The following EPB41L5 variants were observed in gnomAD, a reference collection of about 807,000 sequenced individuals.
EPB41L5 encodes the protein erythrocyte membrane protein band 4.1 like 5.
Under a neutral mutation model 106.6 loss-of-function variants are expected in EPB41L5, and 55 were observed. That is an observed-to-expected ratio of 0.52 (90% CI 0.42 to 0.65). The LOEUF is 0.65. Among genes scored for constraint, EPB41L5 ranks in the 30% least tolerant of loss-of-function variants. EPB41L5 has a pLI of 0.00. For missense variants in EPB41L5, 871 were observed against 882.1 expected, an observed-to-expected ratio of 0.99 and a Z score of 0.16; for synonymous variants, 297 against 306.7, an observed-to-expected ratio of 0.97 and a Z score of 0.33.
intron 12 of EPB41L5, 88 bp downstream of exon 12, chr2:120,090,604 A>T: frequency 8.5e-7 from 1 of 1,171,502 alleles, no homozygotes; most frequent in Non-Finnish European, 1.2e-6. Context: ...AGATATGGTA[A>T]CTAAGGTATA....
chr2:120,162,213 G>A (rs1242702357), intron 21 of EPB41L5, among the ~76,000 whole-genome samples: 1 of 152,158 alleles, frequency 6.6e-6, no homozygotes, highest in East Asian at 1.9e-4. Flanking sequence ...ATCACTAATT[G>A]CACTGCAGCA....
chr2:120,065,180 A>G (rs1329285694), intron 3 of EPB41L5, among the ~76,000 whole-genome samples: 1 of 152,122 alleles, frequency 6.6e-6, no homozygotes, highest in Non-Finnish European at 1.5e-5. Context: ...GTACAGTATC[A>G]TAGTTCCCTT....
intron 20 of EPB41L5, among the ~76,000 whole-genome samples, chr2:120,152,870 A>C (rs1194271403): frequency 3.3e-5 from 5 of 152,190 alleles, no homozygotes; most frequent in African/African-American, 1.2e-4. Flanking sequence ...TAGGTGATTT[A>C]ATTTACTGGA....
At chr2:120,042,666 G>A (rs1679473415) in intron 3 of EPB41L5, among the ~76,000 whole-genome samples, 1 of 152,190 alleles carries the variant, frequency 6.6e-6, no homozygotes, top group Non-Finnish European at 1.5e-5. Flanking sequence ...ACTGGAGGAT[G>A]TTTGAAAGAA....
chr2:120,117,846 C>T (rs562016499), intron 16 of EPB41L5, among the ~76,000 whole-genome samples: 3 of 152,146 alleles, frequency 2.0e-5, no homozygotes, highest in Admixed American at 6.5e-5. Context: ...TTCCTCTCCC[C>T]CTGCCCCCTC....
At chr2:120,039,118 G>A (rs1198343309) in intron 2 of EPB41L5, among the ~76,000 whole-genome samples, 1 of 152,114 alleles carries the variant, frequency 6.6e-6, no homozygotes, top group African/African-American at 2.4e-5. Flanking sequence ...CATGGAATAG[G>A]CAGATTCATA....
Position 120,175,289 on chromosome 2 carries a change from A to T in EPB41L5, c.*382A>T. 1 of 197,054 alleles carries T rather than the reference A, an allele frequency of 5.1e-6. No homozygotes were observed. Among genetic ancestry groups the T allele is most frequent in the South Asian group, 9.4e-5 (1 of 10,684 alleles). 12.2% of individuals were successfully genotyped at this position (197,054 alleles called of 1,614,324 possible). On this transcript the variant is annotated 3_prime_UTR_variant, in exon 25 of 25. Transcript: ENST00000263713. ...CAACAGCCTTTTGAAAGCTATTTCC[A>T]TCTAGTATCAGGGTGAGAGCATCCT...
At chr2:120,079,497 C>T (rs1427892501) in intron 10 of EPB41L5, among the ~76,000 whole-genome samples, 1 of 152,156 alleles carries the variant, frequency 6.6e-6, no homozygotes, top group African/African-American at 2.4e-5. Context: ...TCCTTGCCCT[C>T]CTCCCCATCT....
intron 11 of EPB41L5, among the ~76,000 whole-genome samples, chr2:120,089,762 T>C (rs1683290925): frequency 6.6e-6 from 1 of 152,024 alleles, no homozygotes; most frequent in South Asian, 2.1e-4. Context: ...TTGTTAGAGG[T>C]GTATGTAGAT....
chr2:120,075,628 GTAT>G, intron 6 of EPB41L5, 70 bp from the exon 7 acceptor site: 3 of 1,435,948 alleles, frequency 2.1e-6, no homozygotes, highest in African/African-American at 2.8e-5. Flanking sequence ...CATAAAACAT[GTAT>G]TATTTTCATT....
intron 3 of EPB41L5, among the ~76,000 whole-genome samples, chr2:120,060,995 ATAT>A (rs1207026888): frequency 1.4e-5 from 2 of 141,690 alleles, no homozygotes; most frequent in African/African-American, 5.2e-5. Flanking sequence ...TGAAAAGGTT[ATAT>A]ATAGAGATTA....
intron 19 of EPB41L5, 64 bp from the exon 20 acceptor site, chr2:120,146,161 A>G (rs1686392799): frequency 4.0e-6 from 4 of 998,552 alleles, no homozygotes; most frequent in Non-Finnish European, 4.6e-6. Flanking sequence ...AAAGAAATGT[A>G]AATTTCTTGT....
intron 2 of EPB41L5, among the ~76,000 whole-genome samples, chr2:120,039,223 G>A (rs1679237551): frequency 6.6e-6 from 1 of 152,202 alleles, no homozygotes; most frequent in African/African-American, 2.4e-5. Flanking sequence ...CATGGGATGG[G>A]CAAATTCTTA....
At chr2:120,070,201 A>G (rs758381743) in intron 3 of EPB41L5, among the ~76,000 whole-genome samples, 8 of 152,314 alleles carry the variant, frequency 5.3e-5, no homozygotes, top group Admixed American at 1.3e-4. Context: ...TATTGTAAAC[A>G]CCTCTACACA....
chr2:120,090,280 C>G (rs1683320188), intron 11 of EPB41L5, 67 bp from the exon 12 acceptor site: 1 of 1,320,776 alleles, frequency 7.6e-7, no homozygotes, highest in Non-Finnish European at 1.0e-6. Flanking sequence ...GTGTTTGTAT[C>G]TCAGAAATAG....
chr2:120,104,728 C>G, intron 16 of EPB41L5: 1 of 934,178 alleles, frequency 1.1e-6, no homozygotes, highest in Non-Finnish European at 1.3e-6. Context: ...TAAAGTGACA[C>G]ATACCTTAAT....
chr2:120,094,200 T>G (rs1238290169), intron 14 of EPB41L5, among the ~76,000 whole-genome samples: 1 of 152,150 alleles, frequency 6.6e-6, no homozygotes, highest in East Asian at 1.9e-4. Flanking sequence ...TTGCCCAGGC[T>G]GGTCTCAAAC....
In EPB41L5 at chr2:120,113,676, T is replaced by C. The variant is rs970811981; in HGVS notation, c.1337+12862T>C. On this transcript the variant is annotated intron_variant, in intron 16 of 24. Transcript: ENST00000263713. ...ATTAGCAGTTACTATCAATTATTCC[T>C]TCCTACTAGCCCCTGGCAAACACTA... 3.3e-5 allele frequency among the ~76,000 whole-genome samples: 5 copies of C among 152,368 alleles called. No individual in the cohort carries two copies. In the South Asian group the frequency reaches 6.2e-4, roughly 19 times the overall value.
chr2:120,070,436 A>G (rs1164528425), intron 3 of EPB41L5, among the ~76,000 whole-genome samples: 13 of 152,330 alleles, frequency 8.5e-5, no homozygotes, highest in Non-Finnish European at 4.4e-5. Context: ...TTCTGAAACT[A>G]TTACAAACAA....
Sources: allele counts gnomAD v4.1 joint callset (sites outside exome capture counted in the v4.1 genomes callset), GRCh38; gene constraint gnomAD v4.1.1; transcripts MANE v1.5; gene names NCBI Gene and HGNC (gene_info 2026-07-23, HGNC 2026-07-21).